Variants in PCDHA5 observed in about 807,000 individuals in gnomAD.
The protein encoded by PCDHA5 is protocadherin alpha 5, also known as protocadherin alpha-5.
In PCDHA5, 43 loss-of-function variants were observed where a neutral mutation model predicts 61.6. That is an observed-to-expected ratio of 0.70 (90% CI 0.55 to 0.90). The LOEUF is 0.90. Ranked by LOEUF, PCDHA5 falls within the 40% of genes least tolerant of loss-of-function variation. The probability of loss-of-function intolerance (pLI) is 0.00; values close to 1 mark genes in which losing one functional copy is unlikely to be tolerated. For missense variants in PCDHA5, 1,298 were observed against 1,222.7 expected (o/e 1.06, Z -0.92); for synonymous variants, 627 against 543.9 (o/e 1.15, Z -2.13).
chr5:140,909,442 A>T (rs1345461412), intron 1 of PCDHA5, among the ~76,000 whole-genome samples: 11 of 152,234 alleles, frequency 7.2e-5, no homozygotes, highest in African/African-American at 2.7e-4. Context: ...ATCCACTGTC[A>T]TTCTCCAAGA....
chr5:140,929,665 AGAAT>A (rs2086286980), intron 1 of PCDHA5: 2 of 332,822 alleles, frequency 6.0e-6, no homozygotes, highest in East Asian at 1.0e-4. Flanking sequence ...TTTAAAGTGA[AGAAT>A]GAAAAATATG....
intron 1 of PCDHA5, among the ~76,000 whole-genome samples, chr5:140,948,351 A>C (rs951541212): frequency 6.6e-6 from 1 of 151,646 alleles, no homozygotes; most frequent in African/African-American, 2.4e-5. Flanking sequence ...TTCTAACCTA[A>C]TAAAATGACT....
At chr5:140,879,740 T>C (rs1337276853) in intron 1 of PCDHA5, among the ~76,000 whole-genome samples, 5 of 152,200 alleles carry the variant, frequency 3.3e-5, no homozygotes, top group Admixed American at 1.3e-4. Flanking sequence ...ATCAAGGTGT[T>C]GTCAAGGCTA....
chr5:140,928,814 A>G, intron 1 of PCDHA5: 1 of 1,614,150 alleles, frequency 6.2e-7, no homozygotes, highest in East Asian at 2.2e-5. Context: ...GTTCGGGACC[A>G]TGGAGACCCA....
intron 1 of PCDHA5, among the ~76,000 whole-genome samples, chr5:140,951,356 C>T (rs1362153667): frequency 6.6e-6 from 1 of 151,998 alleles, no homozygotes; most frequent in African/African-American, 2.4e-5. Flanking sequence ...CATTATTGCA[C>T]TGTTATAAAG....
chr5:140,883,691 T>C (rs2059755439), intron 1 of PCDHA5: 2 of 1,613,592 alleles, frequency 1.2e-6, no homozygotes, highest in African/African-American at 2.7e-5. Flanking sequence ...CTGCCACATC[T>C]TCACGGTGTC....
chr5:140,928,252 G>A (rs1377533547), intron 1 of PCDHA5: 3 of 1,614,206 alleles, frequency 1.9e-6, no homozygotes, highest in East Asian at 2.2e-5. Flanking sequence ...GGAACTTTTC[G>A]TTGCTGAAAA....
At chr5:140,956,594 T>C (rs2095295015) in intron 1 of PCDHA5, among the ~76,000 whole-genome samples, 1 of 152,210 alleles carries the variant, frequency 6.6e-6, no homozygotes, top group Non-Finnish European at 1.5e-5. Flanking sequence ...TTATCAGGGA[T>C]ATCAGCTGGA....
rs182063339 is a variant in PCDHA5 at position 140,937,439 on chromosome 5, T to C, written c.2353-41510T>C. Among the ~76,000 whole-genome samples, 830 of 152,312 alleles carry C rather than the reference T, an allele frequency of 5.4e-3. 3 individuals are homozygous for C. The highest frequency in any genetic ancestry group is 0.019 in the African/African-American group (799 of 41,586). Reference sequence around the variant, plus strand: ...TAGATAGCTGATATTTTAATGCTATTTTAAAAGTTTAATTTTATAATACAA... The same window carrying C: ...TAGATAGCTGATATTTTAATGCTATCTTAAAAGTTTAATTTTATAATACAA... On this transcript the variant is annotated intron_variant, in intron 1 of 3. Coordinates refer to ENST00000529859, the MANE Select transcript of PCDHA5 (RefSeq NM_018908.3).
chr5:140,829,011 A>C (rs1554131712), intron 1 of PCDHA5: 1 of 1,613,882 alleles, frequency 6.2e-7, no homozygotes, highest in Non-Finnish European at 8.5e-7. Flanking sequence ...ATTCGGGGTA[A>C]TTTGGATTTT....
intron 1 of PCDHA5, among the ~76,000 whole-genome samples, chr5:140,879,619 G>C (rs1554170883): frequency 6.6e-6 from 1 of 152,182 alleles, no homozygotes; most frequent in African/African-American, 2.4e-5. Flanking sequence ...CAGGTACTTA[G>C]GTGGGTAAGT....
At chr5:140,843,880 A>G in intron 1 of PCDHA5, 1 of 739,104 alleles carries the variant, frequency 1.4e-6, no homozygotes, top group Admixed American at 3.0e-5. Flanking sequence ...CAGTGGCATA[A>G]TACAGTATTA....
chr5:140,863,793 G>A (rs2048183012), intron 1 of PCDHA5: 1 of 216,012 alleles, frequency 4.6e-6, no homozygotes, highest in East Asian at 1.1e-4. Flanking sequence ...GAGGCCAGGA[G>A]TTTGAGACCA....
intron 1 of PCDHA5, chr5:140,876,188 G>T: frequency 6.2e-7 from 1 of 1,613,944 alleles, no homozygotes; most frequent in South Asian, 1.1e-5. Flanking sequence ...AATGACAATG[G>T]TCCGGCGTTT....
chr5:140,933,332 G>A (rs2089060279), intron 1 of PCDHA5, among the ~76,000 whole-genome samples: 1 of 151,968 alleles, frequency 6.6e-6, no homozygotes, highest in African/African-American at 2.4e-5. Context: ...CTGTGCTGTA[G>A]AGAAAGATAA....
At chr5:140,869,344 A>G (rs540952410) in intron 1 of PCDHA5, 1 of 1,613,990 alleles carries the variant, frequency 6.2e-7, no homozygotes, top group African/African-American at 1.3e-5. Flanking sequence ...AAATCTGCAG[A>G]ATGGCATTTT....
chr5:140,882,094 C>T, intron 1 of PCDHA5: 1 of 1,172,684 alleles, frequency 8.5e-7, no homozygotes, highest in Non-Finnish European at 1.2e-6. Context: ...TCACTGAGAA[C>T]GTTTCCGCGA....
intron 1 of PCDHA5, among the ~76,000 whole-genome samples, chr5:140,934,050 C>G (rs558726288): frequency 6.6e-6 from 1 of 151,834 alleles, no homozygotes; most frequent in African/African-American, 2.4e-5. Flanking sequence ...TTAGTCTTTC[C>G]AAGGCTAACT....
intron 1 of PCDHA5, among the ~76,000 whole-genome samples, chr5:140,847,234 C>T (rs1197831504): frequency 6.7e-6 from 1 of 149,750 alleles, no homozygotes; most frequent in African/African-American, 2.4e-5. Flanking sequence ...TATTTAACTA[C>T]CTTGAGCAAA....
Sources: allele counts gnomAD v4.1 joint callset (sites outside exome capture counted in the v4.1 genomes callset), GRCh38; gene constraint gnomAD v4.1.1; transcripts MANE v1.5; gene names NCBI Gene and HGNC (gene_info 2026-07-23, HGNC 2026-07-21).